Variants in PTPN9 observed in about 807,000 individuals in gnomAD.
PTPN9 encodes the protein protein tyrosine phosphatase non-receptor type 9.
PTPN9 carries 26 observed loss-of-function variants against 69.8 expected under a neutral mutation model. The ratio of observed to expected loss-of-function variants is 0.37; its 90% CI spans 0.27 to 0.52. PTPN9 has a LOEUF of 0.52. Among genes scored for constraint, PTPN9 ranks in the 20% least tolerant of loss-of-function variants. The pLI, the probability that PTPN9 is intolerant of heterozygous loss-of-function variation, is 0.91. For missense variants in PTPN9, 549 were observed against 740.3 expected (o/e 0.74, Z 3.00); for synonymous variants, 274 against 272.5 (o/e 1.01, Z -0.05).
chr15:75,482,787 TA>T lies in PTPN9; in HGVS notation c.1063-2874del, dbSNP rs36049658. Among the ~76,000 whole-genome samples the T allele has an allele frequency of 4.8e-3, 698 of 145,080 alleles. 3 individuals are homozygous for T. The highest frequency in any genetic ancestry group is 0.012 in the African/African-American group (454 of 39,296). On this transcript the variant is annotated intron_variant, in intron 8 of 12. Coordinates refer to ENST00000618819, the MANE Select transcript of PTPN9 (RefSeq NM_002833.4). The stretch of plus-strand genomic sequence containing the variant: ...AAGAATTATCAATAAAAAAATAAAT[TA>T]AAAAAAAATACAAAAAAATAGCTGG...
intron 1 of PTPN9, 54 bp from the exon 2 acceptor site, chr15:75,527,315 G>A: frequency 2.5e-6 from 4 of 1,586,760 alleles, no homozygotes; most frequent in South Asian, 2.2e-5. Flanking sequence ...TATTTATGGA[G>A]TCAAAAAACA....
intron 1 of PTPN9, among the ~76,000 whole-genome samples, chr15:75,567,923 G>T (rs1169077312): frequency 6.6e-6 from 1 of 151,494 alleles, no homozygotes. Context: ...ATTAACCCGG[G>T]AGGTGGAGCT....
At chr15:75,559,666 C>T (rs2075095019) in intron 1 of PTPN9, among the ~76,000 whole-genome samples, 1 of 151,256 alleles carries the variant, frequency 6.6e-6, no homozygotes, top group Admixed American at 6.6e-5. Context: ...CCTAGGAAAA[C>T]CAGAGACCTT....
At chr15:75,503,809 G>A (rs866408968) in intron 7 of PTPN9, among the ~76,000 whole-genome samples, 8 of 126,032 alleles carry the variant, frequency 6.3e-5, no homozygotes, top group Non-Finnish European at 8.7e-5. Context: ...GGAGGTGGGG[G>A]GGTCAGCCCC....
At chr15:75,513,202 T>G in intron 5 of PTPN9, 1 of 450,868 alleles carries the variant, frequency 2.2e-6, no homozygotes, top group Non-Finnish European at 4.4e-6. Context: ...AGCTTCTACT[T>G]TTTATTTATC....
intron 5 of PTPN9, among the ~76,000 whole-genome samples, chr15:75,515,149 CAG>C (rs1359496841): frequency 1.3e-5 from 2 of 152,112 alleles, no homozygotes; most frequent in Non-Finnish European, 2.9e-5. Flanking sequence ...GAAATCGGGC[CAG>C]GTGCAGTGGC....
At chr15:75,504,988 G>T (rs377316056) in intron 7 of PTPN9, among the ~76,000 whole-genome samples, 1 of 151,916 alleles carries the variant, frequency 6.6e-6, no homozygotes, top group Non-Finnish European at 1.5e-5. Context: ...GAACGGGCCA[G>T]GATGACAATG....
chr15:75,481,867 C>T (rs1567470193), intron 8 of PTPN9, among the ~76,000 whole-genome samples: 1 of 143,436 alleles, frequency 7.0e-6, no homozygotes, highest in South Asian at 2.4e-4. Context: ...CCAGCCGCCC[C>T]TCCGGGAGGT....
At chr15:75,571,575 T>C (rs2075148591) in intron 1 of PTPN9, among the ~76,000 whole-genome samples, 1 of 151,992 alleles carries the variant, frequency 6.6e-6, no homozygotes. Context: ...CTGGGCAACA[T>C]AGTGACACCT....
chr15:75,571,185 G>T (rs187767287), intron 1 of PTPN9, among the ~76,000 whole-genome samples: 1 of 152,012 alleles, frequency 6.6e-6, no homozygotes, highest in Non-Finnish European at 1.5e-5. Context: ...GCTTGAACCC[G>T]GGAGGCGGCG....
At chr15:75,523,460 A>G (rs1413000929) in intron 3 of PTPN9, among the ~76,000 whole-genome samples, 3 of 149,928 alleles carry the variant, frequency 2.0e-5, no homozygotes, top group Non-Finnish European at 3.0e-5. Flanking sequence ...CTGTGGTAAG[A>G]AAAAAAAAAC....
At chr15:75,499,084 A>G (rs2074759129) in intron 7 of PTPN9, among the ~76,000 whole-genome samples, 1 of 152,176 alleles carries the variant, frequency 6.6e-6, no homozygotes, top group Non-Finnish European at 1.5e-5. Context: ...TTATAAGAAA[A>G]AGTAAAAAGA....
At position 75,482,564 on chromosome 15, in the gene PTPN9, CAAAAAAAAAA is replaced by C. The variant is rs145653223; in HGVS notation, c.1063-2660_1063-2651del. 1.1e-4 allele frequency among the ~76,000 whole-genome samples: 4 copies of C among 35,402 alleles called. No homozygotes were observed. The East Asian group carries it at 4.8e-3, about 42-fold the overall frequency. 23.2% of individuals were successfully genotyped at this position (35,402 alleles called of 152,430 possible). On this transcript the variant is annotated intron_variant, in intron 8 of 12. Transcript: ENST00000618819. ...TGGGCGACAGAGCGAGACTCCGTCT[CAAAAAAAAAA>C]AAAAAAAAAAAAAAAAAGAGTCATC...
intron 1 of PTPN9, among the ~76,000 whole-genome samples, chr15:75,530,931 T>G (rs1173364975): frequency 2.5e-5 from 3 of 121,772 alleles, no homozygotes; most frequent in African/African-American, 9.2e-5. Flanking sequence ...TTTATTATTA[T>G]AATGTATATT....
At chr15:75,556,917 T>A (rs2075080444) in intron 1 of PTPN9, among the ~76,000 whole-genome samples, 1 of 152,152 alleles carries the variant, frequency 6.6e-6, no homozygotes, top group African/African-American at 2.4e-5. Flanking sequence ...GTACCTATTG[T>A]AGGTACCTCA....
intron 9 of PTPN9, among the ~76,000 whole-genome samples, chr15:75,474,738 T>A (rs1340939284): frequency 6.6e-6 from 1 of 152,160 alleles, no homozygotes; most frequent in African/African-American, 2.4e-5. Flanking sequence ...ATCCTGTTCT[T>A]CCTGCTCGAT....
intron 7 of PTPN9, among the ~76,000 whole-genome samples, chr15:75,491,002 A>T (rs1433023744): frequency 4.6e-5 from 7 of 152,136 alleles, no homozygotes; most frequent in African/African-American, 1.7e-4. Flanking sequence ...CTAGCTGCTC[A>T]GGAGTCTAAG....
intron 1 of PTPN9, among the ~76,000 whole-genome samples, chr15:75,534,177 C>G (rs1207225760): frequency 1.3e-5 from 2 of 152,130 alleles, no homozygotes; most frequent in Non-Finnish European, 2.9e-5. Flanking sequence ...GGAAGAGCAC[C>G]CACTACCATA....
At chr15:75,484,539 A>G (rs921499321) in intron 8 of PTPN9, among the ~76,000 whole-genome samples, 6 of 152,232 alleles carry the variant, frequency 3.9e-5, no homozygotes, top group Non-Finnish European at 7.3e-5. Context: ...AGTCTTAATT[A>G]CTTCAACATC....
Sources: allele counts gnomAD v4.1 joint callset (sites outside exome capture counted in the v4.1 genomes callset), GRCh38; gene constraint gnomAD v4.1.1; transcripts MANE v1.5; gene names NCBI Gene and HGNC (gene_info 2026-07-23, HGNC 2026-07-21).